RASAL2: variants seen among roughly 807,000 people sequenced by gnomAD.
RASAL2 encodes the protein RAS protein activator like 2.
In RASAL2, 58 loss-of-function variants were observed where a neutral mutation model predicts 128.9. That is an observed-to-expected ratio of 0.45 (90% CI 0.36 to 0.56). The LOEUF (loss-of-function observed/expected upper bound fraction) is 0.56. RASAL2 is among the 20% of genes least tolerant of loss of function. The pLI is 0.00. For synonymous variants in RASAL2, 561 were observed against 580.8 expected, an observed-to-expected ratio of 0.97 and a Z score of 0.49; for missense variants, 1,360 against 1,601.6, an observed-to-expected ratio of 0.85 and a Z score of 2.57.
At chr1:178,180,485 CAAAAAAAAAAA>C (rs71108033) in intron 1 of RASAL2, among the ~76,000 whole-genome samples, 10 of 72,540 alleles carry the variant, frequency 1.4e-4, no homozygotes, top group South Asian at 1.2e-3. Flanking sequence ...TCATCTCTAC[CAAAAAAAAAAA>C]AAAAAAAAAA....
At chr1:178,466,266 T>A in intron 16 of RASAL2, 144 bp downstream of exon 16, 2 of 701,758 alleles carry the variant, frequency 2.8e-6, no homozygotes, top group Non-Finnish European at 4.4e-6. Flanking sequence ...CTGTATCTCT[T>A]AAAATATCCT....
intron 3 of RASAL2, among the ~76,000 whole-genome samples, chr1:178,321,700 T>G (rs980336575): frequency 6.6e-6 from 1 of 151,690 alleles, no homozygotes; most frequent in Non-Finnish European, 1.5e-5. Context: ...TTAAAAAAAT[T>G]TTTGTAGGTC....
At chr1:178,327,537 A>G (rs1293929970) in intron 3 of RASAL2, among the ~76,000 whole-genome samples, 1 of 151,900 alleles carries the variant, frequency 6.6e-6, no homozygotes, top group Non-Finnish European at 1.5e-5. Flanking sequence ...TTTTTAATAG[A>G]GACAGTATTT....
At chr1:178,408,159 T>A (rs911126813) in intron 4 of RASAL2, among the ~76,000 whole-genome samples, 1 of 152,254 alleles carries the variant, frequency 6.6e-6, no homozygotes, top group Non-Finnish European at 1.5e-5. Context: ...TTTTTAAGAC[T>A]TGTAAATGGT....
At chr1:178,302,346 A>T (rs1667803202) in intron 3 of RASAL2, among the ~76,000 whole-genome samples, 1 of 152,180 alleles carries the variant, frequency 6.6e-6, no homozygotes, top group South Asian at 2.1e-4. Context: ...ACAAAAATTG[A>T]TTGTCTATAT....
chr1:178,406,253 G>A (rs1673990388), intron 4 of RASAL2, among the ~76,000 whole-genome samples: 1 of 152,096 alleles, frequency 6.6e-6, no homozygotes, highest in Non-Finnish European at 1.5e-5. Context: ...CCCATACAGT[G>A]GAATAAAAAG....
intron 1 of RASAL2, among the ~76,000 whole-genome samples, chr1:178,112,094 A>G (rs908575140): frequency 6.6e-6 from 1 of 151,946 alleles, no homozygotes; most frequent in African/African-American, 2.4e-5. Context: ...TATTTTGGAT[A>G]TGTCCTTTGT....
At chr1:178,347,895 AC>A (rs1172071556) in intron 3 of RASAL2, among the ~76,000 whole-genome samples, 1 of 152,234 alleles carries the variant, frequency 6.6e-6, no homozygotes, top group African/African-American at 2.4e-5. Flanking sequence ...AAAATTTGAA[AC>A]TACCCAAATG....
At chr1:178,375,493 G>A (rs1198184170) in intron 3 of RASAL2, among the ~76,000 whole-genome samples, 1 of 152,102 alleles carries the variant, frequency 6.6e-6, no homozygotes, top group Non-Finnish European at 1.5e-5. Context: ...AGTAGTACAG[G>A]TATGCAATAA....
intron 1 of RASAL2, among the ~76,000 whole-genome samples, chr1:178,280,638 G>C (rs958027343): frequency 6.6e-6 from 1 of 151,982 alleles, no homozygotes; most frequent in African/African-American, 2.4e-5. Context: ...GAGATCCATT[G>C]ACTTACCTCT....
intron 3 of RASAL2, among the ~76,000 whole-genome samples, chr1:178,357,929 A>G (rs1411353410): frequency 6.6e-6 from 1 of 152,102 alleles, no homozygotes; most frequent in African/African-American, 2.4e-5. Context: ...CTCTTATTGA[A>G]GTATATTTTT....
At chr1:178,232,488 C>A (rs1001819228) in intron 1 of RASAL2, among the ~76,000 whole-genome samples, 1 of 152,122 alleles carries the variant, frequency 6.6e-6, no homozygotes, top group South Asian at 2.1e-4. Flanking sequence ...CAAGATCTTG[C>A]CTCAAGATTT....
At chr1:178,212,968 C>T (rs995307445) in intron 1 of RASAL2, among the ~76,000 whole-genome samples, 1 of 152,202 alleles carries the variant, frequency 6.6e-6, no homozygotes, top group Admixed American at 6.5e-5. Context: ...ACAAAGCAGT[C>T]TTTCTCCAAG....
At chr1:178,381,466 ATTACCTTCACTAATGG>A (rs1417075532) in intron 3 of RASAL2, among the ~76,000 whole-genome samples, 204 of 152,224 alleles carry the variant, frequency 1.3e-3, no homozygotes, top group African/African-American at 4.7e-3. Context: ...TTTCTTTTTT[ATTACCTTCACTAATGG>A]GTGATGTTGA....
intron 4 of RASAL2, among the ~76,000 whole-genome samples, chr1:178,390,621 C>T (rs1672848989): frequency 6.6e-6 from 1 of 152,126 alleles, no homozygotes; most frequent in African/African-American, 2.4e-5. Flanking sequence ...TCAAGTGATC[C>T]CCCTGCCTCA....
chr1:178,421,165 A>G (rs1675118710), intron 5 of RASAL2, among the ~76,000 whole-genome samples: 2 of 152,020 alleles, frequency 1.3e-5, no homozygotes, highest in Non-Finnish European at 2.9e-5. Context: ...TCCAGAGTCC[A>G]TGCTTTTTAC....
At chr1:178,305,891 A>G (rs543373785) in intron 3 of RASAL2, among the ~76,000 whole-genome samples, 3 of 152,348 alleles carry the variant, frequency 2.0e-5, no homozygotes, top group South Asian at 4.1e-4. Context: ...AAGATGAAGT[A>G]GCACTAGCAA....
chr1:178,186,712 G>A (rs2101939664), intron 1 of RASAL2, among the ~76,000 whole-genome samples: 1 of 152,030 alleles, frequency 6.6e-6, no homozygotes, highest in African/African-American at 2.4e-5. Flanking sequence ...ATGTGTCTTG[G>A]TGTGGTTTTC....
rs769357918 is a variant in RASAL2, at chr1:178,456,597, G to T, written c.2212-124G>T. On this transcript the variant is annotated intron_variant, in intron 12 of 17. Transcript: ENST00000367649. Reference sequence around the variant, plus strand: ...CATTATGAACCTGCCACTCCCATATGCAAACACTTACCCTTCCCTCCAACC... The same window carrying T: ...CATTATGAACCTGCCACTCCCATATTCAAACACTTACCCTTCCCTCCAACC... 1.1e-3 allele frequency: 1,153 copies of T among 1,012,084 alleles called. 3 individuals carry two copies. The highest frequency in any genetic ancestry group is 1.6e-3 in the Non-Finnish European group (1,057 of 645,380). The allele number at this position is 1,012,084 out of a possible 1,614,324, so 62.7% of individuals were successfully genotyped here.
Sources: allele counts gnomAD v4.1 joint callset (sites outside exome capture counted in the v4.1 genomes callset), GRCh38; gene constraint gnomAD v4.1.1; transcripts MANE v1.5; gene names NCBI Gene and HGNC (gene_info 2026-07-23, HGNC 2026-07-21).